The following PRIMA1 variants were observed in gnomAD, a reference collection of about 807,000 sequenced individuals.
PRIMA1 encodes the protein proline rich membrane anchor 1.
In PRIMA1, 7 loss-of-function variants were observed where a neutral mutation model predicts 17.5. That is an observed-to-expected ratio of 0.40 (90% CI 0.23 to 0.75). PRIMA1 has a LOEUF of 0.75. PRIMA1 is among the 30% of genes least tolerant of loss of function. The pLI, the probability that PRIMA1 is intolerant of heterozygous loss-of-function variation, is 0.37. For synonymous variants in PRIMA1, 97 were observed against 77.9 expected (o/e 1.25, Z -1.29); for missense variants, 200 against 201.8 (o/e 0.99, Z 0.05).
chr14:93,781,177 C>T (rs554426415), intron 2 of PRIMA1, among the ~76,000 whole-genome samples: 6 of 152,358 alleles, frequency 3.9e-5, no homozygotes, highest in East Asian at 1.9e-4. Context: ...CCATTGACTG[C>T]GTTTCAAACC....
chr14:93,774,066 T>G (rs534660376), intron 3 of PRIMA1, among the ~76,000 whole-genome samples: 4 of 152,016 alleles, frequency 2.6e-5, no homozygotes, highest in Non-Finnish European at 5.9e-5. Flanking sequence ...CACTTCAGCC[T>G]GGGCGACAAA....
chr14:93,766,320 C>T lies in PRIMA1; in HGVS notation c.229+12856G>A, dbSNP rs182466295. ...ATTCCAAAGACCTGGGTCTGGGTCC[C>T]ACAGCCTTCCCTTGGTGGTGGCCTT... is the stretch of plus-strand genomic sequence containing the variant. On this transcript the variant is annotated intron_variant, in intron 3 of 4. Transcript: ENST00000393140. Among the ~76,000 whole-genome samples the T allele has an allele frequency of 4.7e-4, 71 of 152,280 alleles. No homozygotes were observed. In the Middle Eastern group the frequency reaches 0.01, roughly 22 times the overall value.
At chr14:93,772,942 G>A (rs1245739874) in intron 3 of PRIMA1, among the ~76,000 whole-genome samples, 5 of 152,142 alleles carry the variant, frequency 3.3e-5, no homozygotes, top group South Asian at 2.1e-4. Context: ...CATTTATTGC[G>A]TGTTAACTGG....
chr14:93,734,228 C>T (rs1428681345), intron 4 of PRIMA1, among the ~76,000 whole-genome samples: 1 of 152,228 alleles, frequency 6.6e-6, no homozygotes, highest in Non-Finnish European at 1.5e-5. Context: ...AGCATAGCGT[C>T]GGCTTACACC....
chr14:93,784,341 T>C (rs981747658), intron 2 of PRIMA1, among the ~76,000 whole-genome samples: 19 of 152,136 alleles, frequency 1.2e-4, no homozygotes, highest in African/African-American at 4.3e-4. Flanking sequence ...GAGATGTCTC[T>C]CTTTTTTTTT....
At chr14:93,759,901 G>A (rs529446337) in intron 3 of PRIMA1, among the ~76,000 whole-genome samples, 4 of 152,350 alleles carry the variant, frequency 2.6e-5, no homozygotes, top group African/African-American at 7.2e-5. Context: ...CAGTCTGGAA[G>A]CTTCCCAGAC....
intron 3 of PRIMA1, among the ~76,000 whole-genome samples, chr14:93,754,542 T>C (rs1274212529): frequency 2.0e-5 from 3 of 152,106 alleles, no homozygotes; most frequent in African/African-American, 7.2e-5. Flanking sequence ...GAGACTGTGA[T>C]AGGTGAGCAA....
At chr14:93,747,900 G>A (rs2141169665) in intron 3 of PRIMA1, among the ~76,000 whole-genome samples, 1 of 104,702 alleles carries the variant, frequency 9.6e-6, no homozygotes, top group South Asian at 3.1e-4. Context: ...GTGTATGAGT[G>A]TGTAAGAGTG....
Position 93,787,608 on chromosome 14 carries a change from G to T in PRIMA1, c.93+18C>A. The T allele has an allele frequency of 6.5e-7, 1 of 1,539,610 alleles. No individual in the cohort carries two copies. The highest frequency in any genetic ancestry group is 8.7e-7 in the Non-Finnish European group (1 of 1,146,752). On this transcript the variant is annotated intron_variant, in intron 2 of 4. Transcript: ENST00000393140. ...CCCAGGAGGCCCTCCCAGCCAGTGC[G>T]CAGCCGGCGCGTCTCACCTGCACGA...
chr14:93,777,712 G>A (rs771398132), intron 3 of PRIMA1, among the ~76,000 whole-genome samples: 1 of 152,164 alleles, frequency 6.6e-6, no homozygotes, highest in Non-Finnish European at 1.5e-5. Flanking sequence ...GGTATTTCCA[G>A]TGTACCTGGC....
intron 3 of PRIMA1, among the ~76,000 whole-genome samples, chr14:93,753,945 A>T (rs1213769258): frequency 6.6e-6 from 1 of 152,188 alleles, no homozygotes; most frequent in Non-Finnish European, 1.5e-5. Context: ...ACCGTTGCTT[A>T]TGTTCATGCA....
chr14:93,740,509 T>G (rs950226235), intron 3 of PRIMA1, among the ~76,000 whole-genome samples: 1 of 152,222 alleles, frequency 6.6e-6, no homozygotes, highest in African/African-American at 2.4e-5. Flanking sequence ...CTCCTCATTT[T>G]CACCACAAAG....
intron 4 of PRIMA1, among the ~76,000 whole-genome samples, chr14:93,731,730 G>T (rs2076115763): frequency 6.6e-6 from 1 of 152,130 alleles, no homozygotes. Flanking sequence ...GCCTCCTCCA[G>T]CAGGAGGAGA....
At chr14:93,772,275 C>T (rs573681029) in intron 3 of PRIMA1, among the ~76,000 whole-genome samples, 2 of 152,390 alleles carry the variant, frequency 1.3e-5, no homozygotes, top group East Asian at 3.9e-4. Flanking sequence ...TGAGGAGTCA[C>T]TTAACCTCCT....
intron 3 of PRIMA1, among the ~76,000 whole-genome samples, chr14:93,767,566 C>T (rs1040963946): frequency 6.6e-6 from 1 of 152,204 alleles, no homozygotes; most frequent in African/African-American, 2.4e-5. Context: ...GCATCACAGC[C>T]GATGCTGGGA....
intron 3 of PRIMA1, among the ~76,000 whole-genome samples, chr14:93,771,537 A>G (rs1885069965): frequency 6.6e-6 from 1 of 152,204 alleles, no homozygotes; most frequent in Admixed American, 6.5e-5. Context: ...GCCCTGGCTG[A>G]CAGACTATCG....
intron 2 of PRIMA1, among the ~76,000 whole-genome samples, chr14:93,786,170 T>G (rs1885518984): frequency 6.6e-6 from 1 of 152,148 alleles, no homozygotes; most frequent in African/African-American, 2.4e-5. Context: ...GAACTCAATA[T>G]CTGAGGTTCA....
chr14:93,787,773 T>C (rs1176610535), intron 1 of PRIMA1, 24 bp from the exon 2 acceptor site: 1 of 1,528,030 alleles, frequency 6.5e-7, no homozygotes, highest in Non-Finnish European at 8.8e-7. Flanking sequence ...AAGGCTAGGG[T>C]CAGGCGGACA....
chr14:93,787,829 CG>C, intron 1 of PRIMA1, 80 bp from the exon 2 acceptor site: 4 of 1,457,912 alleles, frequency 2.7e-6, no homozygotes, highest in Non-Finnish European at 3.6e-6. Flanking sequence ...CCTCCCAGCC[CG>C]GGTCGGACGG....
Sources: allele counts gnomAD v4.1 joint callset (sites outside exome capture counted in the v4.1 genomes callset), GRCh38; gene constraint gnomAD v4.1.1; transcripts MANE v1.5; gene names NCBI Gene and HGNC (gene_info 2026-07-23, HGNC 2026-07-21).